Variants in SYN3 observed in about 807,000 individuals in gnomAD.
SYN3 encodes synapsin-3.
A neutral mutation model predicts 65.8 loss-of-function variants in SYN3; 35 were observed. That is an observed-to-expected ratio of 0.53 (90% CI 0.41 to 0.70). The LOEUF is 0.70. Among genes scored for constraint, SYN3 ranks in the 30% least tolerant of loss-of-function variants. SYN3 has a pLI of 0.00. For synonymous variants in SYN3, 270 were observed against 292.9 expected (o/e 0.92, Z 0.80); for missense variants, 680 against 749.0 (o/e 0.91, Z 1.08).
At chr22:32,597,141 T>C (rs2059211778) in intron 6 of SYN3, among the ~76,000 whole-genome samples, 1 of 151,732 alleles carries the variant, frequency 6.6e-6, no homozygotes, top group African/African-American at 2.4e-5. Flanking sequence ...AGTTATTACA[T>C]GTGTGGCACT....
intron 6 of SYN3, among the ~76,000 whole-genome samples, chr22:32,823,949 G>C (rs948262002): frequency 2.0e-5 from 3 of 152,110 alleles, no homozygotes; most frequent in African/African-American, 7.2e-5. Flanking sequence ...TATGAAGTCA[G>C]CACATAGAAA....
chr22:32,905,194 T>C (rs900957019), intron 4 of SYN3, among the ~76,000 whole-genome samples: 3 of 152,186 alleles, frequency 2.0e-5, no homozygotes, highest in Non-Finnish European at 4.4e-5. Context: ...TGAAGGAGGA[T>C]ACAAATAAGG....
At chr22:33,047,155 A>C (rs973907352) in intron 1 of SYN3, among the ~76,000 whole-genome samples, 1 of 152,022 alleles carries the variant, frequency 6.6e-6, no homozygotes, top group Non-Finnish European at 1.5e-5. Context: ...TCTTCATGGC[A>C]CTCATTACTA....
At chr22:33,014,923 G>C (rs5754377) in intron 1 of SYN3, 67,700 of 171,362 alleles carry the variant, frequency 0.4, 13,772 homozygotes, top group Middle Eastern at 0.47. Flanking sequence ...GGGATCCTGG[G>C]GTCTGGAGGC....
chr22:33,008,777 A>G (rs1319852077), intron 1 of SYN3, among the ~76,000 whole-genome samples: 2 of 151,522 alleles, frequency 1.3e-5, no homozygotes, highest in Non-Finnish European at 2.9e-5. Context: ...TTTTTTTAAA[A>G]AGCTGGGTGT....
At chr22:32,786,103 AG>A (rs2046188450) in intron 6 of SYN3, among the ~76,000 whole-genome samples, 1 of 152,152 alleles carries the variant, frequency 6.6e-6, no homozygotes, top group Admixed American at 6.5e-5. Flanking sequence ...CTTGGCCCTT[AG>A]GGCTCCCATT....
At chr22:33,037,271 C>T (rs930488101) in intron 1 of SYN3, among the ~76,000 whole-genome samples, 3 of 152,058 alleles carry the variant, frequency 2.0e-5, no homozygotes, top group African/African-American at 7.2e-5. Context: ...GTCACTTGCC[C>T]GCTTGCTGCC....
intron 7 of SYN3, among the ~76,000 whole-genome samples, chr22:32,571,388 A>G (rs942888365): frequency 1.3e-5 from 2 of 152,156 alleles, no homozygotes; most frequent in South Asian, 4.1e-4. Flanking sequence ...GCTTGGATTT[A>G]TGTGGCACCC....
chr22:32,679,839 CTTTTTT>C (rs747116076), intron 6 of SYN3, among the ~76,000 whole-genome samples: 2 of 39,154 alleles, frequency 5.1e-5, no homozygotes, highest in African/African-American at 9.1e-5. Context: ...TGTTTTTTGG[CTTTTTT>C]TTTTTTTTTT....
At chr22:32,531,843 C>T (rs2246895) in intron 10 of SYN3, among the ~76,000 whole-genome samples, 148,867 of 150,308 alleles carry the variant, frequency 0.99, 73,729 homozygotes, top group East Asian at 1. Flanking sequence ...TCATTTTTCC[C>T]CTGGAACATT....
At chr22:32,667,167 CTTCT>C (rs1423625940) in intron 6 of SYN3, among the ~76,000 whole-genome samples, 1 of 151,978 alleles carries the variant, frequency 6.6e-6, no homozygotes, top group Non-Finnish European at 1.5e-5. Flanking sequence ...TCCTTCCTTC[CTTCT>C]TTCATTCCTT....
In SYN3 at chr22:32,678,306, A is replaced by G. The variant is rs766813208; in HGVS notation, c.712-81570T>C. ...TGCGGCCCAGTCCAGTCTAGCACAA[A>G]CTCACTGTGGGCTCTCAGATGTCCC... On this transcript the variant is annotated intron_variant, in intron 6 of 13. Transcript: ENST00000358763. Among the ~76,000 whole-genome samples, 220 of 152,028 alleles carry G rather than the reference A, an allele frequency of 1.4e-3. 3 individuals carry two copies. Among genetic ancestry groups the G allele is most frequent in the Non-Finnish European group, 3.2e-4 (22 of 67,956 alleles).
At chr22:32,555,658 G>A (rs894052017) in intron 7 of SYN3, among the ~76,000 whole-genome samples, 14 of 152,204 alleles carry the variant, frequency 9.2e-5, no homozygotes, top group Admixed American at 8.5e-4. Flanking sequence ...CAGTCACTCT[G>A]TGGCCTTTCT....
chr22:32,905,391 C>T (rs1601663363), intron 4 of SYN3, among the ~76,000 whole-genome samples: 1 of 152,232 alleles, frequency 6.6e-6, no homozygotes, highest in South Asian at 2.1e-4. Context: ...ATAAATGTCC[C>T]AGAGCATAAG....
intron 6 of SYN3, among the ~76,000 whole-genome samples, chr22:32,646,789 T>C (rs1193479572): frequency 1.3e-5 from 2 of 152,220 alleles, no homozygotes; most frequent in African/African-American, 4.8e-5. Context: ...AGGCAGATAT[T>C]GCAGAAATAC....
At chr22:33,029,716 C>A (rs1256214944) in intron 1 of SYN3, among the ~76,000 whole-genome samples, 1 of 152,130 alleles carries the variant, frequency 6.6e-6, no homozygotes, top group African/African-American at 2.4e-5. Context: ...TGGTCACAGT[C>A]CTAACCACTA....
chr22:32,604,780 C>T (rs2059344527), intron 6 of SYN3, among the ~76,000 whole-genome samples: 1 of 151,898 alleles, frequency 6.6e-6, no homozygotes, highest in South Asian at 2.1e-4. Flanking sequence ...CTGAGGCGGG[C>T]AGATGACGAG....
intron 4 of SYN3, among the ~76,000 whole-genome samples, chr22:32,906,207 T>G (rs2049898307): frequency 1.3e-5 from 2 of 152,138 alleles, no homozygotes; most frequent in Admixed American, 6.5e-5. Context: ...ATCTGGCATT[T>G]CTCAGTGTGT....
At chr22:32,664,957 C>A (rs572951531) in intron 6 of SYN3, among the ~76,000 whole-genome samples, 1 of 150,778 alleles carries the variant, frequency 6.6e-6, no homozygotes, top group Non-Finnish European at 1.5e-5. Context: ...CCTTTCCTCC[C>A]GAATCCCCAA....
Sources: allele counts gnomAD v4.1 joint callset (sites outside exome capture counted in the v4.1 genomes callset), GRCh38; gene constraint gnomAD v4.1.1; transcripts MANE v1.5; gene names NCBI Gene and HGNC (gene_info 2026-07-23, HGNC 2026-07-21).